ZFYVE9: variants seen among roughly 807,000 people sequenced by gnomAD.
ZFYVE9 encodes zinc finger FYVE-type containing 9.
A neutral mutation model predicts 126.7 loss-of-function variants in ZFYVE9; 43 were observed. The observed-to-expected ratio is 0.34, with a 90% CI of 0.27 to 0.44. ZFYVE9 has a LOEUF of 0.44. Ranked by LOEUF, ZFYVE9 falls within the 20% of genes least tolerant of loss-of-function variation. The pLI, the probability that ZFYVE9 is intolerant of heterozygous loss-of-function variation, is 1.00. For synonymous variants in ZFYVE9, 521 were observed against 597.4 expected, an observed-to-expected ratio of 0.87 and a Z score of 1.87; for missense variants, 1,476 against 1,697.0, an observed-to-expected ratio of 0.87 and a Z score of 2.29.
At chr1:52,180,542 T>G in intron 1 of ZFYVE9, 1 of 675,822 alleles carries the variant, frequency 1.5e-6, no homozygotes, top group Non-Finnish European at 2.7e-6. Context: ...ACAGTGATTC[T>G]GAGGGTGACT....
chr1:52,260,273 G>T (rs1645566162), intron 4 of ZFYVE9, among the ~76,000 whole-genome samples: 1 of 152,008 alleles, frequency 6.6e-6, no homozygotes, highest in South Asian at 2.1e-4. Flanking sequence ...TTTGTCATGT[G>T]TGGTATTTAC....
At chr1:52,222,264 C>T (rs915730322) in intron 2 of ZFYVE9, among the ~76,000 whole-genome samples, 3 of 152,122 alleles carry the variant, frequency 2.0e-5, no homozygotes, top group African/African-American at 7.2e-5. Flanking sequence ...AATATTTGAC[C>T]AAATAGATCT....
intron 12 of ZFYVE9, among the ~76,000 whole-genome samples, chr1:52,300,929 G>A (rs1478230433): frequency 2.7e-5 from 4 of 150,076 alleles, no homozygotes; most frequent in Non-Finnish European, 5.9e-5. Flanking sequence ...GCACAATCTC[G>A]GCTCACTGCA....
intron 1 of ZFYVE9, among the ~76,000 whole-genome samples, chr1:52,198,110 G>GTTTTTTTT (rs1329262004): frequency 2.5e-4 from 10 of 40,026 alleles, no homozygotes; most frequent in African/African-American, 5.2e-4. Flanking sequence ...ATATTGTAGT[G>GTTTTTTTT]TTTTTTTTTG....
intron 4 of ZFYVE9, among the ~76,000 whole-genome samples, chr1:52,259,569 C>G (rs1404136353): frequency 6.7e-6 from 1 of 149,288 alleles, no homozygotes; most frequent in Non-Finnish European, 1.5e-5. Flanking sequence ...GGGCAGATCA[C>G]TTGAGGTCAG....
At chr1:52,163,899 T>C (rs373304711) in intron 1 of ZFYVE9, among the ~76,000 whole-genome samples, 3 of 152,196 alleles carry the variant, frequency 2.0e-5, no homozygotes, top group Admixed American at 6.5e-5. Context: ...TGGGTAGATA[T>C]TTATGGTCAA....
chr1:52,291,159 G>A (rs1245091089), intron 10 of ZFYVE9, among the ~76,000 whole-genome samples: 2 of 152,166 alleles, frequency 1.3e-5, no homozygotes, highest in Non-Finnish European at 2.9e-5. Flanking sequence ...ATTCCTAAAT[G>A]TACTACCTTA....
chr1:52,146,922 G>A (rs1378201015), intron 1 of ZFYVE9, among the ~76,000 whole-genome samples: 1 of 152,098 alleles, frequency 6.6e-6, no homozygotes, highest in Non-Finnish European at 1.5e-5. Flanking sequence ...CCAAAAGTCT[G>A]AAATTCGAAA....
chr1:52,272,445 T>C (rs1645701684), intron 7 of ZFYVE9, among the ~76,000 whole-genome samples: 1 of 152,234 alleles, frequency 6.6e-6, no homozygotes. Context: ...TGCTTATTCT[T>C]GAATTCATAT....
At chr1:52,235,012 A>G (rs560118680) in intron 3 of ZFYVE9, among the ~76,000 whole-genome samples, 14 of 152,292 alleles carry the variant, frequency 9.2e-5, no homozygotes, top group African/African-American at 2.6e-4. Context: ...TGTAGATTCT[A>G]TTAGGGTGCT....
At chr1:52,186,727 A>G (rs1644768681) in intron 1 of ZFYVE9, among the ~76,000 whole-genome samples, 1 of 152,208 alleles carries the variant, frequency 6.6e-6, no homozygotes, top group Admixed American at 6.5e-5. Context: ...GCACAAAAAG[A>G]ATAAAGTATT....
chr1:52,213,618 C>T (rs554426342), intron 1 of ZFYVE9, among the ~76,000 whole-genome samples: 6 of 152,070 alleles, frequency 3.9e-5, no homozygotes, highest in Admixed American at 3.3e-4. Context: ...TGTCACTGCA[C>T]TCCAGCCTGG....
At chr1:52,270,707 G>T (rs190249900) in intron 7 of ZFYVE9, among the ~76,000 whole-genome samples, 188 of 151,442 alleles carry the variant, frequency 1.2e-3, no homozygotes, top group African/African-American at 4.2e-3. Flanking sequence ...ATCTTGAATA[G>T]TTCTCTCTCT....
intron 10 of ZFYVE9, among the ~76,000 whole-genome samples, chr1:52,287,839 C>G (rs1645877645): frequency 6.6e-6 from 1 of 152,104 alleles, no homozygotes; most frequent in Admixed American, 6.6e-5. Context: ...TGCATTACAG[C>G]TTGAGTGACA....
intron 9 of ZFYVE9, among the ~76,000 whole-genome samples, chr1:52,279,626 G>A (rs1469242660): frequency 6.6e-6 from 1 of 152,004 alleles, no homozygotes; most frequent in Non-Finnish European, 1.5e-5. Context: ...ACCATACCTG[G>A]CTAATTTTTT....
At chr1:52,332,729 C>A in intron 13 of ZFYVE9, 39 bp from the exon 14 acceptor site, 2 of 1,593,336 alleles carry the variant, frequency 1.3e-6, no homozygotes, top group Non-Finnish European at 1.7e-6. Flanking sequence ...CAGAAAAATG[C>A]CCATTCTTGT....
chr1:52,319,628 A>AT (rs1445250091), intron 13 of ZFYVE9, among the ~76,000 whole-genome samples: 4 of 152,020 alleles, frequency 2.6e-5, no homozygotes, highest in African/African-American at 7.2e-5. Context: ...ATCTCAAAAA[A>AT]AAAATAAAAT....
At chr1:52,314,817 GAAAAA>G (rs796669150) in intron 13 of ZFYVE9, among the ~76,000 whole-genome samples, 12 of 145,626 alleles carry the variant, frequency 8.2e-5, no homozygotes, top group African/African-American at 2.8e-4. Context: ...GTCTCAAAAA[GAAAAA>G]AAAAAGCAAA....
intron 1 of ZFYVE9, among the ~76,000 whole-genome samples, chr1:52,150,691 T>C (rs1644348372): frequency 6.7e-6 from 1 of 149,920 alleles, no homozygotes; most frequent in Non-Finnish European, 1.5e-5. Context: ...CGCTTGAACC[T>C]GGGAACCCGG....
Sources: allele counts gnomAD v4.1 joint callset (sites outside exome capture counted in the v4.1 genomes callset), GRCh38; gene constraint gnomAD v4.1.1; transcripts MANE v1.5; gene names NCBI Gene and HGNC (gene_info 2026-07-23, HGNC 2026-07-21).